Variants in WWOX observed in about 807,000 individuals in gnomAD.
The protein encoded by WWOX is WW domain containing oxidoreductase.
WWOX carries 69 observed loss-of-function variants against 46.2 expected under a neutral mutation model. That is an observed-to-expected ratio of 1.49 (90% confidence interval 1.23 to 1.82). WWOX has a LOEUF of 1.82. Ranked by LOEUF, WWOX falls within the 40% of genes most tolerant of loss-of-function variation. The probability of loss-of-function intolerance (pLI) is 0.00; values close to 1 mark genes in which losing one functional copy is unlikely to be tolerated. For synonymous variants in WWOX, 359 were observed against 202.6 expected (o/e 1.77, Z -6.56); for missense variants, 919 against 542.6 (o/e 1.69, Z -6.89).
At chr16:79,122,002 A>G (rs2049643435) in intron 8 of WWOX, among the ~76,000 whole-genome samples, 1 of 152,154 alleles carries the variant, frequency 6.6e-6, no homozygotes, top group African/African-American at 2.4e-5. Flanking sequence ...TAGGTACAAT[A>G]AAATACCAAG....
chr16:78,484,607 T>G (rs1289311927), intron 8 of WWOX, among the ~76,000 whole-genome samples: 1 of 152,220 alleles, frequency 6.6e-6, no homozygotes, highest in East Asian at 1.9e-4. Flanking sequence ...TTAATAATTA[T>G]CAAGGTGGCA....
At chr16:78,619,462 C>T (rs1488176570) in intron 8 of WWOX, among the ~76,000 whole-genome samples, 1 of 151,000 alleles carries the variant, frequency 6.6e-6, no homozygotes, top group African/African-American at 2.4e-5. Flanking sequence ...GGGTGACCCG[C>T]ACCCACATGT....
chr16:78,115,177 T>C (rs760471466), intron 4 of WWOX, 23 bp downstream of exon 4: 2 of 1,614,062 alleles, frequency 1.2e-6, no homozygotes, highest in Admixed American at 3.3e-5. Flanking sequence ...CTTAGTTATT[T>C]ATCTTTGGGA....
At chr16:79,088,704 C>T (rs1282179734) in intron 8 of WWOX, among the ~76,000 whole-genome samples, 1 of 152,048 alleles carries the variant, frequency 6.6e-6, no homozygotes, top group African/African-American at 2.4e-5. Flanking sequence ...ATATGTGGTC[C>T]ATATTGAGAA....
chr16:78,966,547 T>A (rs1318476618), intron 8 of WWOX, among the ~76,000 whole-genome samples: 2 of 152,170 alleles, frequency 1.3e-5, no homozygotes, highest in East Asian at 3.9e-4. Context: ...TAGTGAAAAT[T>A]TAGATTGTTT....
chr16:78,976,760 A>G (rs774923076), intron 8 of WWOX, among the ~76,000 whole-genome samples: 2 of 152,216 alleles, frequency 1.3e-5, no homozygotes, highest in Admixed American at 1.3e-4. Context: ...TTTTACTGCA[A>G]CTACCGTTTA....
At chr16:78,556,080 T>G (rs908879380) in intron 8 of WWOX, among the ~76,000 whole-genome samples, 1 of 151,988 alleles carries the variant, frequency 6.6e-6, no homozygotes, top group Non-Finnish European at 1.5e-5. Flanking sequence ...TCCTGAAGAT[T>G]CATTCATTGT....
intron 5 of WWOX, among the ~76,000 whole-genome samples, chr16:78,320,976 C>T (rs1047601268): frequency 1.3e-5 from 2 of 152,060 alleles, no homozygotes; most frequent in African/African-American, 2.4e-5. Flanking sequence ...TTAGAGTCTG[C>T]ATTGTTTGTA....
intron 8 of WWOX, among the ~76,000 whole-genome samples, chr16:78,763,749 C>A (rs559502855): frequency 6.6e-6 from 1 of 152,292 alleles, no homozygotes; most frequent in East Asian, 1.9e-4. Flanking sequence ...TTTGATTCTT[C>A]TTTTCACCCA....
rs374658336 is a variant in WWOX at position 78,432,552 on chromosome 16, G to T, written c.856G>T (p.Asp286Tyr). The T allele has an allele frequency of 1.1e-4, 175 of 1,614,000 alleles. No individual in the cohort carries two copies. Among genetic ancestry groups the T allele is most frequent in the Non-Finnish European group, 1.4e-4 (165 of 1,180,024 alleles). The change falls in exon 8 of 9, where the codon GAC (aspartate) becomes TAC (tyrosine). Residue 286 changes from aspartate to tyrosine, a missense_variant. By Grantham distance (160) the Asp-to-Tyr change is radical (BLOSUM62 -3). Coordinates refer to ENST00000566780, the MANE Select transcript of WWOX (RefSeq NM_016373.4). The stretch of plus-strand genomic sequence containing the variant: ...CAGTCGCCTCTCTCCAACAAAAAAC[G>T]ACTATTGGGCGATGCTGGCTTATAA... ...DFSRLSPTKN[D>Y]YWAMLAYNRS... is the part of the protein sequence containing the mutation.
At chr16:78,787,286 C>T (rs540265438) in intron 8 of WWOX, among the ~76,000 whole-genome samples, 15 of 152,298 alleles carry the variant, frequency 9.8e-5, no homozygotes, top group Admixed American at 2.0e-4. Context: ...TACCATCCCC[C>T]GCTAAAGAAA....
chr16:78,860,890 G>A (rs907606218), intron 8 of WWOX, among the ~76,000 whole-genome samples: 1 of 152,168 alleles, frequency 6.6e-6, no homozygotes, highest in African/African-American at 2.4e-5. Context: ...AGGCTAGAGT[G>A]CAGTGGCCTC....
intron 4 of WWOX, among the ~76,000 whole-genome samples, chr16:78,118,447 T>C (rs1405815960): frequency 1.3e-5 from 2 of 152,140 alleles, no homozygotes; most frequent in Non-Finnish European, 2.9e-5. Context: ...CTGTCTGGAT[T>C]GGAGATGAAC....
chr16:78,856,734 A>G (rs149339490), intron 8 of WWOX, among the ~76,000 whole-genome samples: 2 of 152,320 alleles, frequency 1.3e-5, no homozygotes, highest in East Asian at 3.9e-4. Flanking sequence ...ATCTTATGAA[A>G]TAGAAATATA....
chr16:78,749,748 A>G (rs2049432709), intron 8 of WWOX, among the ~76,000 whole-genome samples: 1 of 152,208 alleles, frequency 6.6e-6, no homozygotes, highest in South Asian at 2.1e-4. Context: ...TTAAAGCCGT[A>G]TTGGATGTTC....
At chr16:78,870,559 C>T (rs1597086407) in intron 8 of WWOX, among the ~76,000 whole-genome samples, 2 of 152,034 alleles carry the variant, frequency 1.3e-5, no homozygotes, top group African/African-American at 4.8e-5. Flanking sequence ...TCTTCCTCCT[C>T]TTCTCCCCTT....
chr16:79,058,522 G>C (rs75526421), intron 8 of WWOX, among the ~76,000 whole-genome samples: 5,217 of 152,156 alleles, frequency 0.034, 336 homozygotes, highest in African/African-American at 0.12. Flanking sequence ...GGAAAGGAGG[G>C]AGGAGGCAAG....
intron 8 of WWOX, among the ~76,000 whole-genome samples, chr16:78,817,169 ATTCTTTT>A (rs2051353463): frequency 3.8e-5 from 1 of 26,586 alleles, no homozygotes; most frequent in Non-Finnish European, 7.8e-5. Context: ...CATTAGTGCT[ATTCTTTT>A]TTTTTTTTTT....
intron 8 of WWOX, among the ~76,000 whole-genome samples, chr16:78,472,140 C>A (rs2084237843): frequency 6.6e-6 from 1 of 152,116 alleles, no homozygotes; most frequent in Non-Finnish European, 1.5e-5. Context: ...GAAAAAGTAA[C>A]ACAGTAAATA....
Sources: allele counts gnomAD v4.1 joint callset (sites outside exome capture counted in the v4.1 genomes callset), GRCh38; gene constraint gnomAD v4.1.1; transcripts MANE v1.5; gene names NCBI Gene and HGNC (gene_info 2026-07-23, HGNC 2026-07-21).